The following HDAC4 variants were observed in gnomAD, a reference collection of about 807,000 sequenced individuals.
HDAC4 encodes histone deacetylase 4, also known as histone deacetylase A.
HDAC4 carries 16 observed loss-of-function variants against 135.1 expected under a neutral mutation model. The ratio of observed to expected loss-of-function variants is 0.12; its 90% CI spans 0.08 to 0.18. The LOEUF (loss-of-function observed/expected upper bound fraction) is 0.18, where lower values mean the gene tolerates loss of function less well. Ranked by LOEUF, HDAC4 falls within the 10% of genes least tolerant of loss-of-function variation. The probability of loss-of-function intolerance (pLI) is 1.00; values close to 1 mark genes in which losing one functional copy is unlikely to be tolerated. For missense variants in HDAC4, 1,143 were observed against 1,511.8 expected (o/e 0.76, Z 4.05); for synonymous variants, 685 against 653.4 (o/e 1.05, Z -0.74).
chr2:239,195,184 G>A (rs533313138), intron 3 of HDAC4, among the ~76,000 whole-genome samples: 1 of 152,308 alleles, frequency 6.6e-6, no homozygotes, highest in Non-Finnish European at 1.5e-5. Context: ...TGTGGGGAAG[G>A]GATGTTCACA....
chr2:239,140,982 C>T (rs2041333632), intron 8 of HDAC4: 1 of 419,688 alleles, frequency 2.4e-6, no homozygotes, highest in Non-Finnish European at 5.1e-6. Flanking sequence ...CCCACAGCTC[C>T]CCCAACCTGG....
At position 239,373,692 on chromosome 2, in the gene HDAC4, G is replaced by C. The variant is rs142662088; in HGVS notation, c.-219-20774C>G. Among the ~76,000 whole-genome samples the C allele has an allele frequency of 1.4e-3, 211 of 152,250 alleles. 4 individuals carry two copies. In the East Asian group the frequency reaches 0.034, roughly 24 times the overall value. ...CAGGTCAGGCTGATCTTGAACTCCC[G>C]ACCTCAGGTGATCCGCCTGCCTCAG... On this transcript the variant is annotated intron_variant, in intron 1 of 26. Transcript: ENST00000543185.
chr2:239,267,843 C>A (rs1476762118), intron 2 of HDAC4, among the ~76,000 whole-genome samples: 2 of 152,256 alleles, frequency 1.3e-5, no homozygotes, highest in Non-Finnish European at 2.9e-5. Context: ...CCAAAGCCAG[C>A]CGCTTGCCAT....
chr2:239,149,373 AAAATAAAT>A (rs113606701), intron 7 of HDAC4, among the ~76,000 whole-genome samples: 6 of 149,362 alleles, frequency 4.0e-5, no homozygotes, highest in African/African-American at 1.5e-4. Context: ...GTTCCGTTTC[AAAATAAAT>A]AAATAAATAA....
rs185062303 is a variant in HDAC4, at chr2:239,095,346, G to T, written c.2234-290C>A. Reference sequence around the variant, plus strand: ...GGCCCAGGAGAGGCACCAAGCCACTGGGGAGCACGAGGTACCCCTGGTGGG... The same window carrying T: ...GGCCCAGGAGAGGCACCAAGCCACTTGGGAGCACGAGGTACCCCTGGTGGG... On this transcript the variant is annotated intron_variant, in intron 16 of 26. Transcript: ENST00000543185. Among the ~76,000 whole-genome samples, 139 of 152,302 alleles carry T rather than the reference G, an allele frequency of 9.1e-4. 1 individual carries two copies. The highest frequency in any genetic ancestry group is 2.4e-3 in the Admixed American group (36 of 15,306).
intron 1 of HDAC4, among the ~76,000 whole-genome samples, chr2:239,365,918 G>A (rs1300445014): frequency 3.3e-5 from 5 of 151,412 alleles, no homozygotes; most frequent in South Asian, 2.1e-4. Flanking sequence ...GACCAGGGTC[G>A]TCAGGGTCAC....
At chr2:239,119,213 G>A (rs981006330) in intron 12 of HDAC4, among the ~76,000 whole-genome samples, 3 of 152,236 alleles carry the variant, frequency 2.0e-5, no homozygotes, top group African/African-American at 7.2e-5. Context: ...CTTATCACTC[G>A]GTGCACCGGA....
In HDAC4 at chr2:239,299,211, G is replaced by A. The variant is rs965892555; in HGVS notation, c.22+53467C>T. Among the ~76,000 whole-genome samples, 2 of 152,070 alleles carry A rather than the reference G, an allele frequency of 1.3e-5. No individual in the cohort carries two copies. The highest frequency in any genetic ancestry group is 4.8e-5 in the African/African-American group (2 of 41,412). ...AAATATCCAAAACCTGGAACTGGGG[G>A]CAGCCTGCCACCATGAATATCCTCT... On this transcript the variant is annotated intron_variant, in intron 2 of 26. Transcript: ENST00000543185. This position sits in a 1 kb window ranked among gnomAD's most constrained non-coding sequence, Gnocchi z 4.0.
At chr2:239,197,457 T>C (rs2045468474) in intron 3 of HDAC4, among the ~76,000 whole-genome samples, 1 of 152,198 alleles carries the variant, frequency 6.6e-6, no homozygotes, top group Admixed American at 6.5e-5. Flanking sequence ...GGCTGGTCCT[T>C]TGGAGACGGC....
At chr2:239,067,110 G>A in intron 23 of HDAC4, 1 of 555,382 alleles carries the variant, frequency 1.8e-6, no homozygotes, top group Non-Finnish European at 3.2e-6. Context: ...GGGGACGAGG[G>A]CAGCCAGCCC....
chr2:239,180,743 G>C (rs894688979), intron 4 of HDAC4, among the ~76,000 whole-genome samples: 1 of 152,204 alleles, frequency 6.6e-6, no homozygotes, highest in Non-Finnish European at 1.5e-5. Flanking sequence ...GTGGATGGAA[G>C]GGTGTGCTGG....
intron 8 of HDAC4, among the ~76,000 whole-genome samples, chr2:239,143,698 A>C (rs2152914543): frequency 6.6e-6 from 1 of 152,348 alleles, no homozygotes; most frequent in Middle Eastern, 3.4e-3. Context: ...GCTGAAGCAG[A>C]GTCCCTGTGT....
chr2:239,243,601 G>A (rs2048313718), intron 2 of HDAC4, among the ~76,000 whole-genome samples: 1 of 151,864 alleles, frequency 6.6e-6, no homozygotes, highest in East Asian at 1.9e-4. Context: ...ACACGGGAAC[G>A]GAAGCTTAGG....
chr2:239,148,806 C>T (rs144865190), intron 7 of HDAC4, among the ~76,000 whole-genome samples: 24 of 152,298 alleles, frequency 1.6e-4, no homozygotes, highest in African/African-American at 4.3e-4. Flanking sequence ...TCACACGCAC[C>T]GGGCAGTGGG....
At chr2:239,070,967 G>A (rs2034136648) in intron 22 of HDAC4, among the ~76,000 whole-genome samples, 1 of 148,892 alleles carries the variant, frequency 6.7e-6, no homozygotes, top group Non-Finnish European at 1.5e-5. Flanking sequence ...AGAAAAATAA[G>A]TGCCCTTTAC....
chr2:239,050,733 C>T lies in HDAC4; in HGVS notation c.*2364G>A, dbSNP rs990669941. 1 of 152,644 alleles carries T rather than the reference C, an allele frequency of 6.6e-6. No homozygotes were observed. The highest frequency in any genetic ancestry group is 1.5e-5 in the Non-Finnish European group (1 of 68,052). The allele number at this position is 152,644 out of a possible 1,614,324, so 9.5% of individuals were successfully genotyped here. ...CACGGTGTGTCTGAACTTCTGCCCC[C>T]AAGTCTGAACCCAATATACACTTTG... is the stretch of plus-strand genomic sequence containing the variant. On this transcript the variant is annotated 3_prime_UTR_variant, in exon 27 of 27. Transcript: ENST00000543185.
chr2:239,301,462 GCTTT>G (rs1291061061), intron 2 of HDAC4, among the ~76,000 whole-genome samples: 94 of 128,992 alleles, frequency 7.3e-4, no homozygotes, highest in Middle Eastern at 4.0e-3. Flanking sequence ...TTCTGCTGGT[GCTTT>G]CTTTCTTTTT....
chr2:239,357,911 AAAAAAAG>A lies in HDAC4; in HGVS notation c.-219-5000_-219-4994del, dbSNP rs1693613565. Among the ~76,000 whole-genome samples the A allele has an allele frequency of 2.6e-5, 3 of 116,062 alleles. No homozygotes were observed. In the Admixed American group the frequency reaches 4.4e-4, roughly 17 times the overall value. 76.1% of individuals were successfully genotyped at this position (116,062 alleles called of 152,430 possible). On this transcript the variant is annotated intron_variant, in intron 1 of 26. Transcript: ENST00000543185. Reference sequence around the variant, plus strand: ...TCCAAAAAAAAAAAAAAAAAAAAAAAAAAAAAGAGAGTGGGAATTAACTACAGATTGC... The same window carrying A: ...TCCAAAAAAAAAAAAAAAAAAAAAAAAGAGTGGGAATTAACTACAGATTGC...
chr2:239,103,126 A>C (rs2037808545), intron 15 of HDAC4, among the ~76,000 whole-genome samples: 1 of 152,242 alleles, frequency 6.6e-6, no homozygotes, highest in African/African-American at 2.4e-5. Context: ...CTTTGAAAAA[A>C]CACTTTAAAA....
Sources: allele counts gnomAD v4.1 joint callset (sites outside exome capture counted in the v4.1 genomes callset), GRCh38; gene constraint gnomAD v4.1.1; non-coding constraint Gnocchi (gnomAD v3.1); transcripts MANE v1.5; gene names NCBI Gene and HGNC (gene_info 2026-07-23, HGNC 2026-07-21).